The following ZNF69 variants were observed in gnomAD, a reference collection of about 807,000 sequenced individuals.
ZNF69 encodes the protein ZNF3.
Under a neutral mutation model 50.9 loss-of-function variants are expected in ZNF69, and 47 were observed. That is an observed-to-expected ratio of 0.92 (90% CI 0.73 to 1.18). ZNF69 has a LOEUF of 1.18. Ranked by LOEUF, ZNF69 falls within the 50% of genes most tolerant of loss-of-function variation. ZNF69 has a pLI of 0.00. For synonymous variants in ZNF69, 216 were observed against 223.1 expected (o/e 0.97, Z 0.29); for missense variants, 717 against 675.1 (o/e 1.06, Z -0.69).
the ZNF69 span, among the ~76,000 whole-genome samples, chr19:11,929,006 C>A: frequency 5.1e-4 from 75 of 148,150 alleles, 5 homozygotes; most frequent in South Asian, 1.0e-3. Flanking sequence ...CAACATTTTA[C>A]AAAACGCTAT....
At chr19:11,976,729 G>A in the ZNF69 span, 1 of 376,502 alleles carries the variant, frequency 2.7e-6, no homozygotes, top group East Asian at 9.3e-5. Context: ...AGCCGGGTGT[G>A]GTGGCGCATG....
At chr19:11,904,321 A>G (rs1464396363) in intron 3 of ZNF69, among the ~76,000 whole-genome samples, 1 of 152,226 alleles carries the variant, frequency 6.6e-6, no homozygotes, top group Admixed American at 6.5e-5. Context: ...TAAAGGCTGC[A>G]GTAAGCTATG....
the ZNF69 span, among the ~76,000 whole-genome samples, chr19:11,927,366 C>T: frequency 6.6e-6 from 1 of 151,512 alleles, no homozygotes; most frequent in Non-Finnish European, 1.5e-5. Context: ...AAAACCAAAA[C>T]AAACAGGAAA....
the ZNF69 span, among the ~76,000 whole-genome samples, chr19:11,959,817 C>T: frequency 6.6e-6 from 1 of 152,132 alleles, no homozygotes; most frequent in African/African-American, 2.4e-5. Context: ...AACCATCTCA[C>T]CTTTCATGCA....
At chr19:11,922,832 T>TC in the ZNF69 span, among the ~76,000 whole-genome samples, 1 of 146,710 alleles carries the variant, frequency 6.8e-6, no homozygotes, top group Admixed American at 6.7e-5. Context: ...TGTTTTTGAT[T>TC]TTTTTTTTTT....
downstream of ZNF69, among the ~76,000 whole-genome samples, chr19:11,909,486 C>G (rs1264973281): frequency 6.6e-6 from 1 of 152,222 alleles, no homozygotes; most frequent in Non-Finnish European, 1.5e-5. Flanking sequence ...AAGTTGGCTT[C>G]ATCCCTGGGA....
chr19:11,954,511 C>T, the ZNF69 span, among the ~76,000 whole-genome samples: 18 of 152,286 alleles, frequency 1.2e-4, no homozygotes, highest in African/African-American at 4.3e-4. Context: ...AGCCACCATG[C>T]CCAGACAAGG....
At chr19:11,937,900 A>G in the ZNF69 span, among the ~76,000 whole-genome samples, 3 of 152,128 alleles carry the variant, frequency 2.0e-5, no homozygotes, top group African/African-American at 7.2e-5. Context: ...TATGCTGGAG[A>G]TTGCAATTTT....
downstream of ZNF69, among the ~76,000 whole-genome samples, chr19:11,907,843 G>A (rs1444269951): frequency 6.6e-6 from 1 of 152,144 alleles, no homozygotes; most frequent in Non-Finnish European, 1.5e-5. Context: ...CAATGTAAAT[G>A]GGCTAAATGC....
At chr19:11,889,552 A>G (rs1446777078) in intron 1 of ZNF69, among the ~76,000 whole-genome samples, 1 of 152,084 alleles carries the variant, frequency 6.6e-6, no homozygotes, top group African/African-American at 2.4e-5. Context: ...TGCAACCTCC[A>G]CCTTCCGGAT....
the ZNF69 span, chr19:11,949,188 A>G: frequency 6.2e-6 from 10 of 1,613,152 alleles, no homozygotes; most frequent in African/African-American, 9.4e-5. Context: ...CTGGAGAGAA[A>G]CGCTATAAAT....
At chr19:11,955,493 A>G in the ZNF69 span, among the ~76,000 whole-genome samples, 8 of 150,680 alleles carry the variant, frequency 5.3e-5, no homozygotes, top group African/African-American at 2.0e-4. Flanking sequence ...TTCCAGGCTT[A>G]AGCTATCCTT....
At chr19:11,903,772 A>G in intron 2 of ZNF69, 73 bp downstream of exon 2, 1 of 1,605,088 alleles carries the variant, frequency 6.2e-7, no homozygotes, top group Non-Finnish European at 8.5e-7. Flanking sequence ...CTGTTGAGTG[A>G]TTTAGAACAT....
chr19:11,904,343 G>A (rs915669042), intron 3 of ZNF69, among the ~76,000 whole-genome samples: 4 of 152,200 alleles, frequency 2.6e-5, no homozygotes, highest in Non-Finnish European at 4.4e-5. Flanking sequence ...TGATATCACT[G>A]CACTCCAGTG....
the ZNF69 span, among the ~76,000 whole-genome samples, chr19:11,924,431 CAAAAAAA>C: frequency 1.8e-4 from 12 of 65,214 alleles, no homozygotes; most frequent in Non-Finnish European, 2.8e-4. Context: ...GACTCCGTCT[CAAAAAAA>C]AAAAAAAAAA....
the ZNF69 span, chr19:11,949,411 G>T: frequency 1.9e-6 from 3 of 1,602,244 alleles, no homozygotes; most frequent in Non-Finnish European, 2.6e-6. Context: ...ACACCTTCGA[G>T]TGCATGGTAG....
chr19:11,956,433 A>G, the ZNF69 span: 2 of 395,756 alleles, frequency 5.1e-6, no homozygotes, highest in Non-Finnish European at 8.9e-6. Context: ...ATTTCCTTCC[A>G]GCCTATAATA....
At chr19:11,939,534 G>T in the ZNF69 span, among the ~76,000 whole-genome samples, 1 of 152,286 alleles carries the variant, frequency 6.6e-6, no homozygotes, top group East Asian at 1.9e-4. Flanking sequence ...TCAGATGGTT[G>T]TATATGTGTG....
At chr19:11,902,559 A>T (rs1166658742) in intron 1 of ZNF69, among the ~76,000 whole-genome samples, 1 of 151,328 alleles carries the variant, frequency 6.6e-6, no homozygotes, top group Non-Finnish European at 1.5e-5. Context: ...TGACAGGATA[A>T]CTGCAAAATG....
Sources: allele counts gnomAD v4.1 joint callset (sites outside exome capture counted in the v4.1 genomes callset), GRCh38; gene constraint gnomAD v4.1.1; transcripts MANE v1.5; gene names NCBI Gene and HGNC (gene_info 2026-07-23, HGNC 2026-07-21).